TBC1D9: variants seen among roughly 807,000 people sequenced by gnomAD.
The protein encoded by TBC1D9 is TBC1 domain family member 9.
TBC1D9 carries 63 observed loss-of-function variants against 132.0 expected under a neutral mutation model. The ratio of observed to expected loss-of-function variants is 0.48; its 90% CI spans 0.39 to 0.59. The LOEUF is 0.59. Ranked by LOEUF, TBC1D9 falls within the 20% of genes least tolerant of loss-of-function variation. The pLI is 0.00. For missense variants in TBC1D9, 1,261 were observed against 1,592.7 expected (o/e 0.79, Z 3.54); for synonymous variants, 610 against 609.9 (o/e 1.00, Z 0.00).
chr4:140,678,923 C>A lies in TBC1D9; in HGVS notation c.851+19G>T, dbSNP rs761301605. On this transcript the variant is annotated intron_variant, in intron 5 of 20. Coordinates refer to ENST00000442267, the MANE Select transcript of TBC1D9 (RefSeq NM_015130.3). ...TCTCATTTCTAAAGTCTGGAAGATA[C>A]AAGGTCTCTATCACCCACCGTTTTA... 1.9e-6 allele frequency: 3 copies of A among 1,610,116 alleles called. No homozygotes were observed. The highest frequency in any genetic ancestry group is 2.5e-6 in the Non-Finnish European group (3 of 1,177,740).
chr4:140,677,293 T>C (rs1439023977), intron 5 of TBC1D9, among the ~76,000 whole-genome samples, 192 bp from the exon 6 acceptor site: 1 of 152,190 alleles, frequency 6.6e-6, no homozygotes. Flanking sequence ...ATTATCTTAT[T>C]ATATTTCAGT....
chr4:140,655,575 C>A (rs900944538), intron 13 of TBC1D9, among the ~76,000 whole-genome samples: 1 of 152,158 alleles, frequency 6.6e-6, no homozygotes, highest in Non-Finnish European at 1.5e-5. Flanking sequence ...TTTAGAGAAT[C>A]AAGGATCAGG....
chr4:140,648,568 T>C (rs1408889215), intron 13 of TBC1D9, among the ~76,000 whole-genome samples: 3 of 152,028 alleles, frequency 2.0e-5, no homozygotes, highest in Admixed American at 6.5e-5. Context: ...GTATTTTTTG[T>C]AGAGATGGAG....
intron 4 of TBC1D9, among the ~76,000 whole-genome samples, 180 bp downstream of exon 4, chr4:140,679,435 A>G (rs913122007): frequency 2.6e-5 from 4 of 152,148 alleles, no homozygotes; most frequent in Admixed American, 1.3e-4. Flanking sequence ...GTGAATCTTT[A>G]TTACTTAGTG....
chr4:140,717,186 T>G (rs1424144746), intron 1 of TBC1D9, among the ~76,000 whole-genome samples: 1 of 152,164 alleles, frequency 6.6e-6, no homozygotes, highest in Non-Finnish European at 1.5e-5. Context: ...AAAGTCATAA[T>G]CCTTTAGAGA....
intron 1 of TBC1D9, among the ~76,000 whole-genome samples, chr4:140,708,423 T>C (rs1012298297): frequency 6.6e-6 from 1 of 152,214 alleles, no homozygotes; most frequent in African/African-American, 2.4e-5. Flanking sequence ...TTAAGTTAGA[T>C]CAAAAGCAGA....
At chr4:140,709,290 C>A (rs1008094794) in intron 1 of TBC1D9, among the ~76,000 whole-genome samples, 4 of 125,104 alleles carry the variant, frequency 3.2e-5, no homozygotes, top group African/African-American at 1.1e-4. Context: ...ACACACACAC[C>A]CCAATTCATC....
At chr4:140,648,385 GTTT>G (rs1243797618) in intron 13 of TBC1D9, among the ~76,000 whole-genome samples, 1 of 121,856 alleles carries the variant, frequency 8.2e-6, no homozygotes. Flanking sequence ...TTTTGTTGTT[GTTT>G]TTTTTTTTTT....
intron 13 of TBC1D9, among the ~76,000 whole-genome samples, chr4:140,656,599 T>C (rs1192257328): frequency 6.6e-6 from 1 of 152,216 alleles, no homozygotes; most frequent in East Asian, 1.9e-4. Context: ...AGCAAGGCTT[T>C]GTCTCTTTGC....
At position 140,622,151 on chromosome 4, in the gene TBC1D9, C is replaced by A; in HGVS notation, c.*44G>T. 2.0e-6 allele frequency: 3 copies of A among 1,505,150 alleles called. No homozygotes were observed. The highest frequency in any genetic ancestry group is 4.6e-5 in the East Asian group (2 of 43,424). 93.2% of individuals were successfully genotyped at this position (1,505,150 alleles called of 1,614,324 possible). A position where few individuals can be genotyped will look rare whatever the true frequency, so the allele number is the denominator to read the frequency against. On this transcript the variant is annotated 3_prime_UTR_variant, in exon 21 of 21. Transcript: ENST00000442267. ...CTCAACACAGAAGAACATAAAAAAT[C>A]CCTCCCCTCCCTCTCCTCCCACTCC...
chr4:140,657,421 A>G (rs1051619905), intron 12 of TBC1D9, 106 bp downstream of exon 12: 24 of 1,354,202 alleles, frequency 1.8e-5, no homozygotes, highest in Non-Finnish European at 2.3e-5. Context: ...CACAGGAAGA[A>G]GCGGGCATTA....
chr4:140,622,354 C>G lies in TBC1D9; in HGVS notation c.3642G>C (p.Glu1214Asp), dbSNP rs369493037. ...CAGTTAAGAGGGAGGCCAGGAACTG[C>G]TCGAAGGTGATGGCCCAGTCCCGGT... The part of the protein sequence containing the change: ...SLDRDWAITF[E>D]QFLASLLTEP... Residue 1214 changes from glutamate (E) to aspartate (D), a missense_variant, in exon 21 of 21, where the codon GAG becomes GAC. Around this residue, in one of 3 missense-constraint regions of TBC1D9, gnomAD observed 618 missense variants for 724.4 expected, o/e 0.85. Coordinates refer to ENST00000442267, the MANE Select transcript of TBC1D9 (RefSeq NM_015130.3). 29 of 1,613,518 alleles carry G rather than the reference C, an allele frequency of 1.8e-5. No homozygotes were observed. The highest frequency in any genetic ancestry group is 2.5e-5 in the Non-Finnish European group (29 of 1,179,570).
At chr4:140,713,823 T>C (rs1198264457) in intron 1 of TBC1D9, among the ~76,000 whole-genome samples, 1 of 152,212 alleles carries the variant, frequency 6.6e-6, no homozygotes, top group Admixed American at 6.5e-5. Context: ...ATTGTACTTT[T>C]ATAATTTGTA....
At chr4:140,692,919 C>T (rs1737899170) in intron 2 of TBC1D9, among the ~76,000 whole-genome samples, 1 of 151,868 alleles carries the variant, frequency 6.6e-6, no homozygotes, top group Non-Finnish European at 1.5e-5. Context: ...ACTCGGGAGG[C>T]TAAGGTAGGG....
intron 1 of TBC1D9, among the ~76,000 whole-genome samples, chr4:140,737,529 A>T (rs1738694091): frequency 6.6e-6 from 1 of 152,050 alleles, no homozygotes; most frequent in Middle Eastern, 3.4e-3. Context: ...ACAATAAGAA[A>T]CTAAGAGCTG....
At chr4:140,728,038 C>T (rs1036107386) in intron 1 of TBC1D9, among the ~76,000 whole-genome samples, 1 of 152,132 alleles carries the variant, frequency 6.6e-6, no homozygotes, top group African/African-American at 2.4e-5. Flanking sequence ...TTTTATTTTA[C>T]TTTTTTACTT....
At chr4:140,643,604 C>T (rs1344987809) in intron 13 of TBC1D9, 4 of 931,956 alleles carry the variant, frequency 4.3e-6, no homozygotes, top group East Asian at 2.7e-5. Flanking sequence ...GGCCTTCCTC[C>T]GGCGCTGCCT....
intron 11 of TBC1D9, among the ~76,000 whole-genome samples, chr4:140,659,020 T>C (rs764062590): frequency 6.6e-6 from 1 of 152,160 alleles, no homozygotes; most frequent in African/African-American, 2.4e-5. Flanking sequence ...ATAAACAATA[T>C]ACTGTACAAC....
intron 2 of TBC1D9, among the ~76,000 whole-genome samples, chr4:140,694,570 CAAA>C (rs200877899): frequency 8.0e-5 from 8 of 100,334 alleles, no homozygotes; most frequent in Non-Finnish European, 1.1e-4. Context: ...GACCCTGTCT[CAAA>C]AAAAAAAAAA....
Sources: gnomAD v4.1 joint callset for allele counts (sites outside exome capture counted in the v4.1 genomes callset) on GRCh38, gnomAD v4.1.1 for gene constraint, gnomAD v4.1.1 regional missense constraint, MANE v1.5 for transcripts, NCBI Gene and HGNC (gene_info 2026-07-23, HGNC 2026-07-21) for gene names.